Variants in MYLK2 observed in about 807,000 individuals in gnomAD.
MYLK2 encodes the protein myosin light chain kinase 2.
Under a neutral mutation model 58.2 loss-of-function variants are expected in MYLK2, and 27 were observed. The observed-to-expected ratio is 0.46, with a 90% CI of 0.34 to 0.64. MYLK2 has a LOEUF of 0.64. Ranked by LOEUF, MYLK2 falls within the 30% of genes least tolerant of loss-of-function variation. MYLK2 has a pLI of 0.01. For synonymous variants in MYLK2, 310 were observed against 296.7 expected, an observed-to-expected ratio of 1.04 and a Z score of -0.46; for missense variants, 676 against 764.3, an observed-to-expected ratio of 0.88 and a Z score of 1.36.
chr20:31,834,365 C>T lies in MYLK2; in HGVS notation c.*568C>T, dbSNP rs561581470. On this transcript the variant is annotated 3_prime_UTR_variant, in exon 13 of 13. Transcript: ENST00000375985. ...ACCTCCCCACTCCAGCAGATAAGGCCGAGCCCACACCATCTGGCCCAGGCT... is the reference window on the plus strand; with the variant it reads ...ACCTCCCCACTCCAGCAGATAAGGCTGAGCCCACACCATCTGGCCCAGGCT... 2.5e-5 allele frequency: 4 copies of T among 159,316 alleles called. No individual in the cohort carries two copies. Among genetic ancestry groups the T allele is most frequent in the Non-Finnish European group, 4.2e-5 (3 of 71,620 alleles). The allele number at this position is 159,316 out of a possible 1,614,324, so 9.9% of individuals were successfully genotyped here.
chr20:31,819,909 G>A (rs945224819), intron 2 of MYLK2, among the ~76,000 whole-genome samples: 4 of 152,316 alleles, frequency 2.6e-5, no homozygotes, highest in Non-Finnish European at 5.9e-5. Context: ...GGCCACCAAG[G>A]CCCACCCAAA....
chr20:31,822,281 G>T (rs565548175), intron 4 of MYLK2, among the ~76,000 whole-genome samples: 1 of 152,084 alleles, frequency 6.6e-6, no homozygotes, highest in Admixed American at 6.5e-5. Flanking sequence ...CAGATTATTG[G>T]AGCAACACAA....
At chr20:31,823,620 A>C in intron 5 of MYLK2, 38 bp downstream of exon 5, 1 of 1,585,110 alleles carries the variant, frequency 6.3e-7, no homozygotes, top group Admixed American at 1.7e-5. Flanking sequence ...TCATGGACAG[A>C]GAGTACACCG....
chr20:31,820,039 C>G (rs960280609), intron 2 of MYLK2, 87 bp from the exon 3 acceptor site: 3 of 1,563,048 alleles, frequency 1.9e-6, no homozygotes, highest in Admixed American at 3.3e-5. Flanking sequence ...GGGTGGGAAC[C>G]TGGGCCCAGA....
intron 6 of MYLK2, among the ~76,000 whole-genome samples, chr20:31,825,007 C>T (rs1027908637): frequency 6.6e-6 from 1 of 152,162 alleles, no homozygotes; most frequent in Non-Finnish European, 1.5e-5. Flanking sequence ...TTTGAGGAGA[C>T]GTTCCAGTGG....
chr20:31,820,070 G>T (rs2062243589), intron 2 of MYLK2, 56 bp from the exon 3 acceptor site: 1 of 1,608,352 alleles, frequency 6.2e-7, no homozygotes. Flanking sequence ...GCCCAGCCTG[G>T]GTGAGAGGGA....
chr20:31,824,428 C>T, intron 6 of MYLK2, 76 bp downstream of exon 6: 2 of 1,556,452 alleles, frequency 1.3e-6, no homozygotes, highest in Non-Finnish European at 8.7e-7. Flanking sequence ...CGCCTCCCTC[C>T]ACCAGCGCTG....
intron 6 of MYLK2, 64 bp from the exon 7 acceptor site, chr20:31,826,541 A>G: frequency 1.2e-6 from 2 of 1,605,890 alleles, no homozygotes; most frequent in South Asian, 1.1e-5. Context: ...GGGTGCGGGT[A>G]TGGAGGGTGG....
rs2062280149 is a variant in MYLK2 at position 31,826,490 on chromosome 20, G to A, written c.973-115G>A. On this transcript the variant is annotated intron_variant, in intron 6 of 12. Transcript: ENST00000375985. The stretch of plus-strand genomic sequence containing the variant: ...GGGGAGAGAGGAGAGGCAAGGAGGA[G>A]GCTGAGCAGTGATCTGGGCAAGGCT... 5 of 1,416,932 alleles carry A rather than the reference G, an allele frequency of 3.5e-6. No individual in the cohort carries two copies. The African/African-American group carries it at 4.2e-5, about 12-fold the overall frequency. The allele number at this position is 1,416,932 out of a possible 1,614,324, so 87.8% of individuals were successfully genotyped here. A position where few individuals can be genotyped will look rare whatever the true frequency, so the allele number is the denominator to read the frequency against.
rs994701215 is a variant in MYLK2 at position 31,834,112 on chromosome 20, A to G, written c.*315A>G. The G allele has an allele frequency of 3.8e-5, 16 of 417,800 alleles. No homozygotes were observed. The highest frequency in any genetic ancestry group is 3.2e-4 in the African/African-American group (16 of 49,384). The allele number at this position is 417,800 out of a possible 1,614,324, so 25.9% of individuals were successfully genotyped here. On this transcript the variant is annotated 3_prime_UTR_variant, in exon 13 of 13. Transcript: ENST00000375985. Reference sequence around the variant, plus strand: ...TTCCCTCCCCAGCTCCTCGTCTTTGAACTGCCGCCGCCGTGGTGACCCCTG... The same window carrying G: ...TTCCCTCCCCAGCTCCTCGTCTTTGGACTGCCGCCGCCGTGGTGACCCCTG...
intron 8 of MYLK2, chr20:31,828,587 T>C (rs999807711): frequency 1.1e-5 from 11 of 984,802 alleles, no homozygotes; most frequent in Non-Finnish European, 1.2e-5. Context: ...AAATAGGTCA[T>C]TTTAAGCCAT....
Position 31,823,546 on chromosome 20 carries a change from G to C in MYLK2, c.842G>C (p.Ser281Thr), listed in dbSNP as rs778033163. The C allele has an allele frequency of 1.2e-6, 2 of 1,613,946 alleles. No homozygotes were observed. The highest frequency in any genetic ancestry group is 2.2e-5 in the South Asian group (2 of 91,084). Residue 281 changes from serine to threonine, a missense_variant, in exon 5 of 13, where the codon AGT (serine) becomes ACT (threonine). Physicochemically the swap from Ser to Thr is moderately conservative, Grantham distance 58. Transcript: ENST00000375985. The stretch of plus-strand genomic sequence containing the variant: ...GAGCTGAGGACCGGGAATGTCAGCA[G>C]TGAATTCAGTATGAACTCCAAGGAG... Reference protein sequence around the residue: ...MVELRTGNVSSEFSMNSKEAL... With the variant: ...MVELRTGNVSTEFSMNSKEAL...
At chr20:31,828,259 T>C (rs910940415) in intron 8 of MYLK2, 1 of 984,974 alleles carries the variant, frequency 1.0e-6, no homozygotes. Flanking sequence ...TGTGGAGCTC[T>C]GGGTGTGGAG....
intron 12 of MYLK2, among the ~76,000 whole-genome samples, chr20:31,833,297 T>C (rs1232204674): frequency 6.6e-6 from 1 of 151,890 alleles, no homozygotes; most frequent in Non-Finnish European, 1.5e-5. Flanking sequence ...GAGTAGCCAG[T>C]GCAAAGGCCC....
Position 31,833,829 on chromosome 20 carries a change from C to T in MYLK2, c.*32C>T, listed in dbSNP as rs1173262172. On this transcript the variant is annotated 3_prime_UTR_variant, in exon 13 of 13. Coordinates refer to ENST00000375985, the MANE Select transcript of MYLK2 (RefSeq NM_033118.4). ...GGCGCAGCTGAAGCCTGGACGCAGCCACACAGTGGCCGGGGCTGAAGCCAC... is the reference window on the plus strand; with the variant it reads ...GGCGCAGCTGAAGCCTGGACGCAGCTACACAGTGGCCGGGGCTGAAGCCAC... The T allele has an allele frequency of 6.3e-7, 1 of 1,592,908 alleles. No homozygotes were observed. The highest frequency in any genetic ancestry group is 8.6e-7 in the Non-Finnish European group (1 of 1,165,610).
intron 5 of MYLK2, chr20:31,824,056 G>T: frequency 1.0e-6 from 1 of 985,444 alleles, no homozygotes; most frequent in Non-Finnish European, 1.2e-6. Context: ...GTGGTTCAAA[G>T]AACCTGCTTC....
At chr20:31,821,339 T>G (rs2062250981) in intron 3 of MYLK2, 100 bp from the exon 4 acceptor site, 4 of 1,418,450 alleles carry the variant, frequency 2.8e-6, no homozygotes, top group Non-Finnish European at 3.9e-6. Context: ...ACCATGCATT[T>G]GGGGTGGGGT....
Position 31,824,239 on chromosome 20 carries a change from A to G in MYLK2, c.879-20A>G. ...GGTGGGCTCTGGGGTCCCCTCACTTACAGCCTCTTCTCTTTCCAGTGGCAA... is the reference window on the plus strand; with the variant it reads ...GGTGGGCTCTGGGGTCCCCTCACTTGCAGCCTCTTCTCTTTCCAGTGGCAA... On this transcript the variant is annotated intron_variant, in intron 5 of 12. Coordinates refer to ENST00000375985, the MANE Select transcript of MYLK2 (RefSeq NM_033118.4). 1 of 1,610,870 alleles carries G rather than the reference A, an allele frequency of 6.2e-7. No individual in the cohort carries two copies. Among genetic ancestry groups the G allele is most frequent in the Admixed American group, 1.7e-5 (1 of 59,752 alleles).
Position 31,831,720 on chromosome 20 carries a change from C to G in MYLK2, c.1442C>G (p.Pro481Arg). Residue 481 changes from proline to arginine, a missense_variant, in exon 11 of 13, where the codon CCC (proline) becomes CGC (arginine). This residue lies in a region of MYLK2 where 370 missense variants were observed against 467.8 expected (regional missense o/e 0.79). Coordinates refer to ENST00000375985, the MANE Select transcript of MYLK2 (RefSeq NM_033118.4). ...ITYMLLSGLS[P>R]FLGDDDTETL... Reference sequence around the variant, plus strand: ...CCCTCTAGGCTGAGCGGCCTCTCCCCCTTCCTGGGAGATGATGACACAGAG... The same window carrying G: ...CCCTCTAGGCTGAGCGGCCTCTCCCGCTTCCTGGGAGATGATGACACAGAG... 4 of 1,614,100 alleles carry G rather than the reference C, an allele frequency of 2.5e-6. No individual in the cohort carries two copies. The highest frequency in any genetic ancestry group is 1.1e-5 in the South Asian group (1 of 91,076).
Sources: gnomAD v4.1 joint callset for allele counts (sites outside exome capture counted in the v4.1 genomes callset) on GRCh38, gnomAD v4.1.1 for gene constraint, gnomAD v4.1.1 regional missense constraint, MANE v1.5 for transcripts, NCBI Gene and HGNC (gene_info 2026-07-23, HGNC 2026-07-21) for gene names.